Variants in HTR4 observed in about 807,000 individuals in gnomAD.
HTR4 encodes 5-hydroxytryptamine (serotonin) receptor 4, G protein-coupled.
A neutral mutation model predicts 36.8 loss-of-function variants in HTR4; 16 were observed. The ratio of observed to expected loss-of-function variants is 0.43; its 90% CI spans 0.29 to 0.66. The LOEUF (loss-of-function observed/expected upper bound fraction) is 0.66. Ranked by LOEUF, HTR4 falls within the 30% of genes least tolerant of loss-of-function variation. HTR4 has a pLI of 0.13. For synonymous variants in HTR4, 189 were observed against 185.1 expected (o/e 1.02, Z -0.17); for missense variants, 438 against 490.9 (o/e 0.89, Z 1.02).
At chr5:148,506,840 G>A (rs1757239769) in intron 6 of HTR4, among the ~76,000 whole-genome samples, 1 of 152,194 alleles carries the variant, frequency 6.6e-6, no homozygotes, top group Non-Finnish European at 1.5e-5. Flanking sequence ...TCTCACACCA[G>A]TTAGAATGGC....
chr5:148,475,045 C>CA (rs60611116), downstream of HTR4, among the ~76,000 whole-genome samples: 57,132 of 147,396 alleles, frequency 0.39, 11,442 homozygotes, highest in East Asian at 0.62. Context: ...ACTCCTTCTC[C>CA]AAAAAAAAAA....
intron 6 of HTR4, among the ~76,000 whole-genome samples, chr5:148,499,766 G>A (rs1333305331): frequency 6.6e-6 from 1 of 152,192 alleles, no homozygotes; most frequent in Non-Finnish European, 1.5e-5. Flanking sequence ...GGTTATGGGG[G>A]TGGAGGCCAC....
rs1015479225 is a variant in HTR4, at chr5:148,463,169, T to TA, written c.1077-11898_1077-11897insT. On this transcript the variant is annotated intron_variant, in intron 5 of 5. Transcript: ENST00000521530. ...GCTTTTCATTTCTTTTTTTTTCTTT[T>TA]TTTTTTTTTTTTTTTTTTTTTGAGA... 5.2e-5 allele frequency among the ~76,000 whole-genome samples: 6 copies of TA among 115,246 alleles called. No individual in the cohort carries two copies. The East Asian group carries it at 9.5e-4, about 18-fold the overall frequency. The allele number at this position is 115,246 out of a possible 152,430, so 75.6% of individuals were successfully genotyped here.
At chr5:148,528,095 C>G (rs1758371310) in intron 4 of HTR4, among the ~76,000 whole-genome samples, 1 of 152,018 alleles carries the variant, frequency 6.6e-6, no homozygotes, top group Non-Finnish European at 1.5e-5. Flanking sequence ...GGGAAGAATC[C>G]TTTATCTCCT....
intron 2 of HTR4, among the ~76,000 whole-genome samples, chr5:148,583,429 T>TATA (rs574906094): frequency 1.0e-4 from 15 of 150,480 alleles, no homozygotes; most frequent in South Asian, 4.2e-4. Flanking sequence ...AAACTTAAAG[T>TATA]ATAATAATAA....
At chr5:148,572,660 G>A (rs1294372788) in intron 2 of HTR4, among the ~76,000 whole-genome samples, 1 of 152,114 alleles carries the variant, frequency 6.6e-6, no homozygotes, top group Non-Finnish European at 1.5e-5. Flanking sequence ...ATTACCAATA[G>A]TTGTAACTCC....
chr5:148,508,111 A>C (rs1757309729), intron 6 of HTR4, among the ~76,000 whole-genome samples: 1 of 152,180 alleles, frequency 6.6e-6, no homozygotes, highest in Non-Finnish European at 1.5e-5. Flanking sequence ...CAGGATTTAT[A>C]TTTTATAGCA....
At chr5:148,621,628 A>T (rs1408657797) in intron 2 of HTR4, among the ~76,000 whole-genome samples, 11 of 152,190 alleles carry the variant, frequency 7.2e-5, no homozygotes, top group Admixed American at 7.2e-4. Context: ...TGCTGAAGCC[A>T]CTTTGAATTT....
In HTR4 at chr5:148,636,846, G is replaced by C. The variant is rs1753557740; in HGVS notation, c.26+143C>G. 4 of 579,576 alleles carry C rather than the reference G, an allele frequency of 6.9e-6. No individual in the cohort carries two copies. In the South Asian group the frequency reaches 1.1e-4, roughly 16 times the overall value. 35.9% of individuals were successfully genotyped at this position (579,576 alleles called of 1,614,324 possible). The stretch of plus-strand genomic sequence containing the variant: ...ATGACAAAACACTAATAATCAAACA[G>C]TACTGTGAACATGATTATATATGAA... On this transcript the variant is annotated intron_variant, in intron 2 of 6. Coordinates refer to ENST00000377888, the MANE Select transcript of HTR4 (RefSeq NM_000870.7).
rs79836777 is a variant in HTR4, at chr5:148,482,691, G to A, written c.*512C>T. On this transcript the variant is annotated 3_prime_UTR_variant, in exon 7 of 7. Coordinates refer to ENST00000377888, the MANE Select transcript of HTR4 (RefSeq NM_000870.7). ...TGGCACAGAACAGGGCGAAGAAGAG[G>A]CAGGGGATAGCTTGAACATGGCTGT... is the stretch of plus-strand genomic sequence containing the variant. The A allele has an allele frequency of 8.0e-6, 8 of 1,004,998 alleles. No homozygotes were observed. In the East Asian group the frequency reaches 7.7e-4, roughly 97 times the overall value. 62.3% of individuals were successfully genotyped at this position (1,004,998 alleles called of 1,614,324 possible).
At chr5:148,601,189 T>C (rs139330009) in intron 2 of HTR4, among the ~76,000 whole-genome samples, 1 of 151,646 alleles carries the variant, frequency 6.6e-6, no homozygotes, top group Non-Finnish European at 1.5e-5. Context: ...AAAATAAAGA[T>C]AAGTATTAGC....
At chr5:148,457,870 TATC>T (rs1483152416) in intron 5 of HTR4, among the ~76,000 whole-genome samples, 1 of 139,830 alleles carries the variant, frequency 7.2e-6, no homozygotes, top group Non-Finnish European at 1.5e-5. Context: ...TATTTTGATA[TATC>T]ATTAAAATAT....
intron 2 of HTR4, among the ~76,000 whole-genome samples, chr5:148,567,634 C>G (rs890696581): frequency 6.6e-6 from 1 of 152,036 alleles, no homozygotes; most frequent in Non-Finnish European, 1.5e-5. Context: ...CTGTATTTCT[C>G]CAATATGTCA....
chr5:148,551,292 T>G (rs2113851060), intron 2 of HTR4, among the ~76,000 whole-genome samples: 1 of 152,360 alleles, frequency 6.6e-6, no homozygotes, highest in East Asian at 1.9e-4. Flanking sequence ...TCAGTTCACC[T>G]GGACAAATTG....
At position 148,571,659 on chromosome 5, in the gene HTR4, G is replaced by A. The variant is rs545876825; in HGVS notation, c.27-21397C>T. Among the ~76,000 whole-genome samples, 192 of 152,044 alleles carry A rather than the reference G, an allele frequency of 1.3e-3. 4 individuals are homozygous for A. Among genetic ancestry groups the A allele is most frequent in the South Asian group, 1.9e-3 (9 of 4,818 alleles). ...TGACTTTCAAGAGCTAGGCTGTTTC[G>A]ATAGACAAGACACACTTCAGGTGTC... On this transcript the variant is annotated intron_variant, in intron 2 of 6. Transcript: ENST00000377888.
At position 148,523,241 on chromosome 5, in the gene HTR4, A is replaced by C. The variant is rs201869932; in HGVS notation, c.459T>G (p.Ser153=). The change falls in exon 5 of 7, where the codon TCT becomes TCG. Residue 153 remains serine (S), a synonymous_variant. Coordinates refer to ENST00000377888, the MANE Select transcript of HTR4 (RefSeq NM_000870.7). ...GGCWVIPTFI[S]FLPIMQGWNN... ...TCCAGCCTTGCATTATAGGGAGAAA[A>C]GAAATAAACGTGGGGATGACCCAGC... The C allele has an allele frequency of 4.6e-5, 74 of 1,613,750 alleles. No homozygotes were observed. Among genetic ancestry groups the C allele is most frequent in the East Asian group, 2.5e-4 (11 of 44,822 alleles).
chr5:148,504,732 T>C (rs1757107067), intron 6 of HTR4, among the ~76,000 whole-genome samples: 1 of 151,766 alleles, frequency 6.6e-6, no homozygotes, highest in South Asian at 2.1e-4. Context: ...ATCAACAAAA[T>C]TGATAGACCG....
chr5:148,466,920 C>T (rs990299044), intron 5 of HTR4, among the ~76,000 whole-genome samples: 11 of 152,100 alleles, frequency 7.2e-5, no homozygotes, highest in East Asian at 3.8e-4. Context: ...TTAGTGTTAC[C>T]ATCTGAAAAC....
intron 1 of HTR4, among the ~76,000 whole-genome samples, chr5:148,649,604 G>T (rs1398807828): frequency 6.6e-6 from 1 of 152,160 alleles, no homozygotes; most frequent in South Asian, 2.1e-4. Flanking sequence ...TAGCAGTGGG[G>T]GTAGGTGGAG....
Sources: allele counts gnomAD v4.1 joint callset (sites outside exome capture counted in the v4.1 genomes callset), GRCh38; gene constraint gnomAD v4.1.1; transcripts MANE v1.5; gene names NCBI Gene and HGNC (gene_info 2026-07-23, HGNC 2026-07-21).